Variants in ZFAT observed in about 807,000 individuals in gnomAD.
ZFAT encodes zinc finger and AT-hook domain containing.
ZFAT carries 64 observed loss-of-function variants against 117.7 expected under a neutral mutation model. That is an observed-to-expected ratio of 0.54 (90% confidence interval 0.44 to 0.67). ZFAT has a LOEUF of 0.67. ZFAT is among the 30% of genes least tolerant of loss of function. The pLI, the probability that ZFAT is intolerant of heterozygous loss-of-function variation, is 0.00. For synonymous variants in ZFAT, 679 were observed against 615.0 expected, an observed-to-expected ratio of 1.10 and a Z score of -1.54; for missense variants, 1,433 against 1,584.5, an observed-to-expected ratio of 0.90 and a Z score of 1.62.
chr8:134,636,424 G>A (rs1363632082), intron 3 of ZFAT, among the ~76,000 whole-genome samples: 2 of 152,168 alleles, frequency 1.3e-5, no homozygotes, highest in Non-Finnish European at 2.9e-5. Context: ...AGGTACTACT[G>A]GAAGCACTTT....
At chr8:134,569,052 G>C (rs1396904526) in intron 10 of ZFAT, among the ~76,000 whole-genome samples, 1 of 152,140 alleles carries the variant, frequency 6.6e-6, no homozygotes, top group African/African-American at 2.4e-5. Context: ...ACAAAGAAAA[G>C]AGGTTGACTG....
chr8:134,654,898 G>A (rs1169171051), intron 2 of ZFAT, among the ~76,000 whole-genome samples: 1 of 152,250 alleles, frequency 6.6e-6, no homozygotes. Context: ...AGCACACCCA[G>A]GTGAGACAGA....
At chr8:134,823,653 T>C in the ZFAT span, among the ~76,000 whole-genome samples, 12 of 152,322 alleles carry the variant, frequency 7.9e-5, no homozygotes, top group African/African-American at 2.6e-4. Flanking sequence ...ATTGCTGTAT[T>C]ACATATCTTG....
chr8:134,761,677 C>T, the ZFAT span, among the ~76,000 whole-genome samples: 135 of 151,090 alleles, frequency 8.9e-4, no homozygotes, highest in Middle Eastern at 3.4e-3. Context: ...TCCAGCCTGG[C>T]GACAAAGCGA....
chr8:134,543,192 G>C (rs770758440), intron 11 of ZFAT, among the ~76,000 whole-genome samples: 5 of 147,110 alleles, frequency 3.4e-5, no homozygotes, highest in Admixed American at 2.1e-4. Flanking sequence ...CAGTCAGCCA[G>C]GCACATGCAA....
chr8:134,591,287 T>C (rs1013695857), intron 7 of ZFAT, among the ~76,000 whole-genome samples: 2 of 151,982 alleles, frequency 1.3e-5, no homozygotes, highest in African/African-American at 4.8e-5. Context: ...GGAAGTAGAG[T>C]GTGCGGACGC....
chr8:134,584,168 C>A (rs779059750), intron 9 of ZFAT, among the ~76,000 whole-genome samples, 163 bp from the exon 10 acceptor site: 5 of 152,162 alleles, frequency 3.3e-5, no homozygotes, highest in African/African-American at 4.8e-5. Flanking sequence ...CCCTAACACA[C>A]CACACACTTT....
the ZFAT span, chr8:134,793,547 A>T: frequency 6.6e-6 from 1 of 152,174 alleles, no homozygotes; most frequent in Non-Finnish European, 1.5e-5. Context: ...TCTTGTAAGG[A>T]GCACGAAACC....
intron 1 of ZFAT, among the ~76,000 whole-genome samples, chr8:134,672,579 C>T (rs1832613170): frequency 6.6e-6 from 1 of 151,992 alleles, no homozygotes; most frequent in African/African-American, 2.4e-5. Flanking sequence ...GAAATCCATG[C>T]CAAGACACAT....
chr8:134,745,467 G>GTAA, the ZFAT span, among the ~76,000 whole-genome samples: 2 of 152,180 alleles, frequency 1.3e-5, no homozygotes, highest in African/African-American at 4.8e-5. Context: ...GGTGGGAGAG[G>GTAA]TAATGGTCAA....
chr8:134,695,230 G>A (rs888395719), intron 1 of ZFAT, among the ~76,000 whole-genome samples: 1 of 151,984 alleles, frequency 6.6e-6, no homozygotes, highest in African/African-American at 2.4e-5. Flanking sequence ...GAAGGCCCTC[G>A]CAGACGCTCT....
At chr8:134,592,645 T>C (rs1382591671) in intron 7 of ZFAT, among the ~76,000 whole-genome samples, 1 of 152,198 alleles carries the variant, frequency 6.6e-6, no homozygotes, top group Non-Finnish European at 1.5e-5. Flanking sequence ...GAGTGCTCAA[T>C]AAATCTGAAA....
chr8:134,768,527 G>A, the ZFAT span, among the ~76,000 whole-genome samples: 1 of 152,154 alleles, frequency 6.6e-6, no homozygotes, highest in Admixed American at 6.5e-5. Flanking sequence ...GGGAAGCCTC[G>A]CAATCATGGT....
chr8:134,779,891 A>C, the ZFAT span, among the ~76,000 whole-genome samples: 1 of 152,172 alleles, frequency 6.6e-6, no homozygotes, highest in Non-Finnish European at 1.5e-5. Flanking sequence ...GTGGTGACTG[A>C]GGCTCAATAC....
chr8:134,616,309 C>T (rs972227934), intron 3 of ZFAT, among the ~76,000 whole-genome samples: 3 of 152,196 alleles, frequency 2.0e-5, no homozygotes, highest in Non-Finnish European at 4.4e-5. Context: ...ACTTTAACAA[C>T]AGCCTTGTTA....
chr8:134,706,661 C>T (rs1202143604), intron 1 of ZFAT, among the ~76,000 whole-genome samples: 1 of 152,078 alleles, frequency 6.6e-6, no homozygotes, highest in African/African-American at 2.4e-5. Flanking sequence ...CATTGCCCTC[C>T]ATCCTGGGCA....
Position 134,601,869 on chromosome 8 carries a change from T to C in ZFAT, c.1850A>G (p.Asp617Gly), listed in dbSNP as rs545899083. ...CTGGACTGAGCTTCTGTGCTGCATG[T>C]CTGGGGGCTTCTCAGGAGCAGCATG... ...EAHAAPEKPP[D>G]MQHRSSVQTQ... The change falls in exon 6 of 16, where the codon GAC becomes GGC. Residue 617 changes from aspartate to glycine, a missense_variant. Physicochemically the swap from Asp to Gly is moderately conservative, Grantham distance 94. Coordinates refer to ENST00000377838, the MANE Select transcript of ZFAT (RefSeq NM_020863.4). 11 of 1,613,082 alleles carry C rather than the reference T, an allele frequency of 6.8e-6. No homozygotes were observed. In the South Asian group the frequency reaches 9.9e-5, roughly 15 times the overall value.
chr8:134,679,357 G>A (rs111840268), intron 1 of ZFAT, among the ~76,000 whole-genome samples: 136,426 of 152,310 alleles, frequency 0.9, 61,333 homozygotes, highest in African/African-American at 0.94. Context: ...ATCACTGGTT[G>A]TTAGAGAAAT....
chr8:134,601,379 G>A, intron 6 of ZFAT, 98 bp downstream of exon 6: 1 of 1,486,034 alleles, frequency 6.7e-7, no homozygotes, highest in Middle Eastern at 2.4e-4. Flanking sequence ...CACTTAGAAG[G>A]TATTCTTTGC....
Sources: gnomAD v4.1 joint callset for allele counts (sites outside exome capture counted in the v4.1 genomes callset) on GRCh38, gnomAD v4.1.1 for gene constraint, MANE v1.5 for transcripts, NCBI Gene and HGNC (gene_info 2026-07-23, HGNC 2026-07-21) for gene names.